FLRT2: variants seen among roughly 807,000 people sequenced by gnomAD.
The protein encoded by FLRT2 is leucine-rich repeat transmembrane protein FLRT2.
FLRT2 carries 15 observed loss-of-function variants against 40.0 expected under a neutral mutation model. The ratio of observed to expected loss-of-function variants is 0.38; its 90% CI spans 0.25 to 0.58. The LOEUF is 0.58. FLRT2 is among the 20% of genes least tolerant of loss of function. The probability of loss-of-function intolerance (pLI) is 0.71; values close to 1 mark genes in which losing one functional copy is unlikely to be tolerated. For synonymous variants in FLRT2, 380 were observed against 336.8 expected (o/e 1.13, Z -1.41); for missense variants, 726 against 840.0 (o/e 0.86, Z 1.68).
Position 85,647,399 on chromosome 14 carries a change from A to G in FLRT2, c.*23902A>G, listed in dbSNP as rs922290886. 6.6e-6 allele frequency: 1 copy of G among 152,192 alleles called. No homozygotes were observed. Among genetic ancestry groups the G allele is most frequent in the Non-Finnish European group, 1.5e-5 (1 of 68,042 alleles). The allele number at this position is 152,192 out of a possible 1,614,324, so 9.4% of individuals were successfully genotyped here. A position where few individuals can be genotyped will look rare whatever the true frequency, so the allele number is the denominator to read the frequency against. On this transcript the variant is annotated 3_prime_UTR_variant, in exon 2 of 2. Transcript: ENST00000330753. ...ATTATATGTGTTTAAAACTCAAGGGATGGAACTGGGAGAGATAACACTCAT... is the reference window on the plus strand; with the variant it reads ...ATTATATGTGTTTAAAACTCAAGGGGTGGAACTGGGAGAGATAACACTCAT...
At chr14:85,583,853 G>A (rs1238218601) in intron 1 of FLRT2, among the ~76,000 whole-genome samples, 1 of 151,954 alleles carries the variant, frequency 6.6e-6, no homozygotes, top group East Asian at 1.9e-4. Context: ...GTGGCTGAAT[G>A]CAAAGGTGCG....
At chr14:85,600,157 G>C (rs889338911) in intron 1 of FLRT2, among the ~76,000 whole-genome samples, 8 of 152,206 alleles carry the variant, frequency 5.3e-5, no homozygotes, top group African/African-American at 1.9e-4. Context: ...TGGGCGATAA[G>C]AGGAAGTAGT....
Position 85,621,392 on chromosome 14 carries a change from G to C in FLRT2, c.-123G>C, listed in dbSNP as rs1430006984. The C allele has an allele frequency of 4.8e-6, 4 of 839,168 alleles. No individual in the cohort carries two copies. The highest frequency in any genetic ancestry group is 7.2e-6 in the Non-Finnish European group (4 of 552,076). The allele number at this position is 839,168 out of a possible 1,614,324, so 52.0% of individuals were successfully genotyped here. On this transcript the variant is annotated 5_prime_UTR_variant, in exon 2 of 2. Transcript: ENST00000330753. ...TTATTTTACCATACGCCCTCAGGAC[G>C]TTCCCTCTAGCTGGAGTTCTGGACT... is the stretch of plus-strand genomic sequence containing the variant.
chr14:85,623,541 G>A lies in FLRT2; in HGVS notation c.*44G>A. 7.2e-7 allele frequency: 1 copy of A among 1,385,680 alleles called. No homozygotes were observed. Among genetic ancestry groups the A allele is most frequent in the Non-Finnish European group, 9.4e-7 (1 of 1,059,926 alleles). 85.8% of individuals were successfully genotyped at this position (1,385,680 alleles called of 1,614,324 possible). ...TATCAAGGCGGACAATTAGACTCTT[G>A]AGAACACACTCGTGTGTGCACATAA... On this transcript the variant is annotated 3_prime_UTR_variant, in exon 2 of 2. Transcript: ENST00000330753.
chr14:85,554,837 A>T (rs555107627), intron 1 of FLRT2, among the ~76,000 whole-genome samples: 19 of 152,308 alleles, frequency 1.2e-4, no homozygotes, highest in Non-Finnish European at 2.2e-4. Flanking sequence ...CAGGATGCCC[A>T]TTAAGAGTTG....
chr14:85,545,469 G>A (rs12882910), intron 1 of FLRT2, among the ~76,000 whole-genome samples: 65,078 of 151,972 alleles, frequency 0.43, 15,858 homozygotes, highest in Middle Eastern at 0.62. Flanking sequence ...CTCAAAATTT[G>A]TTTGTCCATG....
intron 1 of FLRT2, among the ~76,000 whole-genome samples, chr14:85,533,280 G>C (rs963710318): frequency 1.3e-5 from 2 of 152,070 alleles, no homozygotes; most frequent in Non-Finnish European, 2.9e-5. Flanking sequence ...AAACATATCC[G>C]GGGGTGTCAG....
intron 1 of FLRT2, among the ~76,000 whole-genome samples, chr14:85,534,055 G>T (rs1566712731): frequency 6.7e-6 from 1 of 148,410 alleles, no homozygotes; most frequent in African/African-American, 2.4e-5. Flanking sequence ...CTTCCTCCCA[G>T]AGCCCTTCCT....
chr14:85,645,495 T>TA lies in FLRT2; in HGVS notation c.*21998_*21999insA, dbSNP rs567891910. The TA allele has an allele frequency of 1.1e-4, 17 of 152,218 alleles. No homozygotes were observed. The East Asian group carries it at 3.3e-3, about 30-fold the overall frequency. 9.4% of individuals were successfully genotyped at this position (152,218 alleles called of 1,614,324 possible). On this transcript the variant is annotated 3_prime_UTR_variant, in exon 2 of 2. Coordinates refer to ENST00000330753, the MANE Select transcript of FLRT2 (RefSeq NM_013231.6). ...ACTTCCAAGTGAGCAGGTCTTTGAATGGTACATCTATTTGTTCACTCTGCT... is the reference window on the plus strand; with the variant it reads ...ACTTCCAAGTGAGCAGGTCTTTGAATAGGTACATCTATTTGTTCACTCTGCT...
chr14:85,596,113 A>G (rs1892127984), intron 1 of FLRT2, among the ~76,000 whole-genome samples: 1 of 152,184 alleles, frequency 6.6e-6, no homozygotes, highest in African/African-American at 2.4e-5. Context: ...TAAAATAGTG[A>G]TGCCCAAAAA....
intron 1 of FLRT2, among the ~76,000 whole-genome samples, chr14:85,548,360 A>C (rs530153367): frequency 6.6e-6 from 1 of 152,364 alleles, no homozygotes; most frequent in African/African-American, 2.4e-5. Context: ...TTTCCAAAGC[A>C]GTGCAGCCTC....
chr14:85,538,342 A>G (rs1324318939), intron 1 of FLRT2, among the ~76,000 whole-genome samples: 2 of 152,248 alleles, frequency 1.3e-5, no homozygotes, highest in South Asian at 2.1e-4. Flanking sequence ...ATACTTACTA[A>G]GGACATACTT....
intron 1 of FLRT2, among the ~76,000 whole-genome samples, chr14:85,580,471 T>C (rs547691030): frequency 7.2e-5 from 11 of 152,332 alleles, no homozygotes; most frequent in African/African-American, 2.6e-4. Flanking sequence ...AATACCTTTA[T>C]GATGGCATCG....
intron 1 of FLRT2, among the ~76,000 whole-genome samples, chr14:85,599,910 G>A (rs900821887): frequency 6.6e-6 from 1 of 151,854 alleles, no homozygotes; most frequent in African/African-American, 2.4e-5. Flanking sequence ...CCATGGAAAT[G>A]TTAAATATTA....
intron 1 of FLRT2, among the ~76,000 whole-genome samples, chr14:85,549,357 C>T (rs1889472949): frequency 6.6e-6 from 1 of 152,196 alleles, no homozygotes; most frequent in Non-Finnish European, 1.5e-5. Flanking sequence ...AGTTTTGCTT[C>T]TGCCCAGTTG....
At chr14:85,564,890 T>G (rs1890548883) in intron 1 of FLRT2, among the ~76,000 whole-genome samples, 1 of 152,186 alleles carries the variant, frequency 6.6e-6, no homozygotes, top group African/African-American at 2.4e-5. Context: ...ATCACTAGTT[T>G]TATCAAGTGA....
At chr14:85,597,116 C>T (rs772792777) in intron 1 of FLRT2, among the ~76,000 whole-genome samples, 58 of 152,064 alleles carry the variant, frequency 3.8e-4, no homozygotes, top group Middle Eastern at 3.4e-3. Flanking sequence ...ACAACTTTGG[C>T]GCTTTTGAAC....
chr14:85,567,201 C>T (rs1890663280), intron 1 of FLRT2, among the ~76,000 whole-genome samples: 1 of 152,200 alleles, frequency 6.6e-6, no homozygotes, highest in Non-Finnish European at 1.5e-5. Flanking sequence ...CCACATTTGA[C>T]ATGTCCCCCT....
intron 1 of FLRT2, among the ~76,000 whole-genome samples, chr14:85,554,848 A>G (rs552969804): frequency 4.6e-5 from 7 of 152,206 alleles, no homozygotes; most frequent in African/African-American, 1.7e-4. Flanking sequence ...TTAAGAGTTG[A>G]CTCAAAGGTC....
Sources: allele counts gnomAD v4.1 joint callset (sites outside exome capture counted in the v4.1 genomes callset), GRCh38; gene constraint gnomAD v4.1.1; transcripts MANE v1.5; gene names NCBI Gene and HGNC (gene_info 2026-07-23, HGNC 2026-07-21).